BLTP1: variants seen among roughly 807,000 people sequenced by gnomAD.
The protein encoded by BLTP1 is fragile site-associated protein.
the BLTP1 span, chr4:122,328,319 C>A: frequency 6.2e-7 from 1 of 1,610,248 alleles, no homozygotes; most frequent in Non-Finnish European, 8.5e-7. Context: ...AAGATGAAGA[C>A]CATGAGAGGG....
chr4:122,232,078 T>A, the BLTP1 span: 1 of 985,426 alleles, frequency 1.0e-6, no homozygotes, highest in Non-Finnish European at 1.2e-6. Flanking sequence ...CTAAGGAGGT[T>A]ACTTCAGGTG....
the BLTP1 span, chr4:122,214,383 G>C: frequency 1.0e-6 from 1 of 955,330 alleles, no homozygotes; most frequent in African/African-American, 1.8e-5. Flanking sequence ...ACATTTTCTC[G>C]GTTCTATAAG....
At chr4:122,220,622 T>A in the BLTP1 span, 1 of 625,914 alleles carries the variant, frequency 1.6e-6, no homozygotes, top group East Asian at 3.2e-5. Context: ...TGTATGTATG[T>A]TTATGTGTAT....
the BLTP1 span, chr4:122,179,870 A>G: frequency 1.0e-6 from 1 of 985,310 alleles, no homozygotes; most frequent in African/African-American, 1.7e-5. Flanking sequence ...CTACATGCAA[A>G]GTATCCTCCC....
chr4:122,300,311 A>G, the BLTP1 span, among the ~76,000 whole-genome samples: 1 of 152,110 alleles, frequency 6.6e-6, no homozygotes, highest in Non-Finnish European at 1.5e-5. Context: ...GCCTGGCCCA[A>G]ATATATGTTA....
chr4:122,236,907 GT>G, the BLTP1 span: 1 of 985,320 alleles, frequency 1.0e-6, no homozygotes, highest in Non-Finnish European at 1.2e-6. Flanking sequence ...GTTTCTGATT[GT>G]TGAGTCTTCC....
the BLTP1 span, chr4:122,199,316 T>A: frequency 6.2e-7 from 1 of 1,600,920 alleles, no homozygotes; most frequent in Admixed American, 1.7e-5. Context: ...TTTCATTTTG[T>A]AATTGTTTTC....
At chr4:122,197,979 T>C in the BLTP1 span, 1 of 984,746 alleles carries the variant, frequency 1.0e-6, no homozygotes, top group South Asian at 4.7e-5. Context: ...GAGTAGCAAC[T>C]TACCCACATT....
chr4:122,223,892 C>A, the BLTP1 span: 1 of 514,464 alleles, frequency 1.9e-6, no homozygotes, highest in Non-Finnish European at 2.5e-6. Flanking sequence ...ATGTGTGGAA[C>A]TAGTGTTCCA....
At chr4:122,355,485 T>C in the BLTP1 span, among the ~76,000 whole-genome samples, 1 of 150,916 alleles carries the variant, frequency 6.6e-6, no homozygotes, top group African/African-American at 2.4e-5. Flanking sequence ...TGTATTGGGT[T>C]TATACAAATC....
At chr4:122,196,406 G>T in the BLTP1 span, among the ~76,000 whole-genome samples, 1 of 152,078 alleles carries the variant, frequency 6.6e-6, no homozygotes, top group African/African-American at 2.4e-5. Context: ...GTTTGTCGTA[G>T]TAATCTTGAA....
At chr4:122,174,480 A>G in the BLTP1 span, 1 of 1,533,110 alleles carries the variant, frequency 6.5e-7, no homozygotes, top group Admixed American at 2.2e-5. Flanking sequence ...ATGCTTATTG[A>G]ATAAATTTAG....
At chr4:122,210,992 C>A in the BLTP1 span, 1 of 1,613,720 alleles carries the variant, frequency 6.2e-7, no homozygotes, top group African/African-American at 1.3e-5. Flanking sequence ...CCTATTGATC[C>A]CTCAGAACTT....
chr4:122,176,542 A>G, the BLTP1 span, among the ~76,000 whole-genome samples: 1 of 152,198 alleles, frequency 6.6e-6, no homozygotes, highest in Non-Finnish European at 1.5e-5. Context: ...ATGTTTTAAA[A>G]ATGAACTAAG....
the BLTP1 span, chr4:122,276,058 T>C: frequency 6.7e-7 from 1 of 1,500,418 alleles, no homozygotes; most frequent in Non-Finnish European, 9.0e-7. Flanking sequence ...GCTTTGTAAT[T>C]ACTGTAGTAT....
the BLTP1 span, chr4:122,246,252 A>C: frequency 6.2e-7 from 1 of 1,607,992 alleles, no homozygotes; most frequent in South Asian, 1.1e-5. Context: ...ATGAAGCAAG[A>C]TAATGTAACA....
At chr4:122,298,233 A>G in the BLTP1 span, 1 of 941,394 alleles carries the variant, frequency 1.1e-6, no homozygotes, top group Non-Finnish European at 1.3e-6. Flanking sequence ...AGAATCATGT[A>G]GTTTTTATTT....
chr4:122,172,587 A>G, the BLTP1 span, among the ~76,000 whole-genome samples: 1 of 152,210 alleles, frequency 6.6e-6, no homozygotes, highest in South Asian at 2.1e-4. Context: ...CACAGCTTTA[A>G]AAAGCAGAAG....
chr4:122,330,832 A>G, the BLTP1 span: 1 of 184,164 alleles, frequency 5.4e-6, no homozygotes, highest in East Asian at 1.9e-4. Flanking sequence ...AGAGTTTAAC[A>G]GTTTCAGGTG....
Sources: gnomAD v4.1 joint callset for allele counts (sites outside exome capture counted in the v4.1 genomes callset) on GRCh38, gnomAD v4.1.1 for gene constraint, MANE v1.5 for transcripts, NCBI Gene and HGNC (gene_info 2026-07-23, HGNC 2026-07-21) for gene names.